IKZF2: variants seen among roughly 807,000 people sequenced by gnomAD.
IKZF2 encodes IKAROS family zinc finger 2.
In IKZF2, 15 loss-of-function variants were observed where a neutral mutation model predicts 49.2. That is an observed-to-expected ratio of 0.30 (90% CI 0.20 to 0.47). The LOEUF is 0.47. Ranked by LOEUF, IKZF2 falls within the 20% of genes least tolerant of loss-of-function variation. The pLI is 1.00. For missense variants in IKZF2, 567 were observed against 664.6 expected (o/e 0.85, Z 1.61); for synonymous variants, 227 against 221.4 (o/e 1.03, Z -0.23).
At chr2:213,120,054 C>G (rs1559298518) in intron 4 of IKZF2, among the ~76,000 whole-genome samples, 1 of 152,330 alleles carries the variant, frequency 6.6e-6, no homozygotes, top group African/African-American at 2.4e-5. Flanking sequence ...CCAGTTCCTA[C>G]TCCCATCCAC....
chr2:213,119,524 A>G (rs974329123), intron 4 of IKZF2, among the ~76,000 whole-genome samples: 4 of 152,222 alleles, frequency 2.6e-5, no homozygotes, highest in African/African-American at 7.2e-5. Context: ...GAAGGAGGAA[A>G]AAAAAGAAAG....
At chr2:213,042,767 T>C (rs996851511) in intron 6 of IKZF2, among the ~76,000 whole-genome samples, 1 of 152,134 alleles carries the variant, frequency 6.6e-6, no homozygotes, top group South Asian at 2.1e-4. Context: ...TAATGTGTTA[T>C]GGGTATGGTT....
intron 8 of IKZF2, among the ~76,000 whole-genome samples, chr2:213,013,383 A>G (rs1696190534): frequency 7.1e-6 from 1 of 140,876 alleles, no homozygotes; most frequent in Non-Finnish European, 1.6e-5. Flanking sequence ...ATAATGGGAC[A>G]CTAGGCATAA....
chr2:213,103,800 G>GAAAA (rs1433726432), intron 4 of IKZF2, among the ~76,000 whole-genome samples: 17 of 36,282 alleles, frequency 4.7e-4, no homozygotes, highest in Middle Eastern at 0.012. Context: ...AACTGTTACA[G>GAAAA]AAATAAAGCT....
intron 4 of IKZF2, among the ~76,000 whole-genome samples, chr2:213,079,827 C>T (rs927119448): frequency 7.9e-5 from 12 of 152,222 alleles, no homozygotes; most frequent in Non-Finnish European, 1.8e-4. Context: ...ACTGTTTTTC[C>T]ACCCTCCAGT....
At chr2:213,086,532 T>A (rs1350927030) in intron 4 of IKZF2, among the ~76,000 whole-genome samples, 7 of 152,052 alleles carry the variant, frequency 4.6e-5, no homozygotes, top group Non-Finnish European at 1.0e-4. Flanking sequence ...GTAGTTCAGG[T>A]GAGTATGATT....
intron 6 of IKZF2, among the ~76,000 whole-genome samples, chr2:213,037,753 G>A (rs1453142343): frequency 6.6e-6 from 1 of 152,162 alleles, no homozygotes; most frequent in Non-Finnish European, 1.5e-5. Context: ...GACACTGCTT[G>A]TGTAATTATC....
intron 4 of IKZF2, among the ~76,000 whole-genome samples, chr2:213,073,446 A>G (rs994034865): frequency 2.6e-5 from 4 of 152,204 alleles, no homozygotes; most frequent in Non-Finnish European, 4.4e-5. Context: ...GAAAATATTA[A>G]ACAAATGATA....
intron 6 of IKZF2, among the ~76,000 whole-genome samples, chr2:213,030,711 T>C (rs1013879674): frequency 5.9e-5 from 9 of 152,108 alleles, no homozygotes; most frequent in Non-Finnish European, 1.3e-4. Flanking sequence ...TTAGCAACTA[T>C]TAATTTCGCA....
chr2:213,048,324 A>G (rs567122817), intron 6 of IKZF2, among the ~76,000 whole-genome samples: 1 of 152,254 alleles, frequency 6.6e-6, no homozygotes, highest in South Asian at 2.1e-4. Flanking sequence ...TATTAAAAAC[A>G]ACATGATTTC....
At chr2:213,130,932 T>C (rs553483282) in intron 4 of IKZF2, among the ~76,000 whole-genome samples, 2 of 152,288 alleles carry the variant, frequency 1.3e-5, no homozygotes, top group African/African-American at 4.8e-5. Context: ...AGAGAATACA[T>C]GGTATTCTTC....
chr2:213,053,943 C>G (rs1700910655), intron 5 of IKZF2, among the ~76,000 whole-genome samples: 1 of 152,064 alleles, frequency 6.6e-6, no homozygotes, highest in Non-Finnish European at 1.5e-5. Flanking sequence ...GGTTGTGCAT[C>G]TTTTTTCACT....
At chr2:213,150,970 T>C (rs190202584) in intron 1 of IKZF2, among the ~76,000 whole-genome samples, 99 of 151,920 alleles carry the variant, frequency 6.5e-4, no homozygotes, top group Middle Eastern at 3.4e-3. Flanking sequence ...CTTCAATTTA[T>C]TCCAGCCTAC....
chr2:213,101,658 C>T (rs1196131127), intron 4 of IKZF2, among the ~76,000 whole-genome samples: 2 of 152,006 alleles, frequency 1.3e-5, no homozygotes, highest in Non-Finnish European at 2.9e-5. Context: ...AAGGAAAGTA[C>T]GACCCTAACG....
chr2:213,027,935 A>T (rs1479906687), intron 6 of IKZF2, among the ~76,000 whole-genome samples: 1 of 152,120 alleles, frequency 6.6e-6, no homozygotes. Context: ...TGTACTATAT[A>T]TAATAAGTAT....
chr2:213,066,977 C>T (rs1183950894), intron 4 of IKZF2, among the ~76,000 whole-genome samples: 1 of 152,048 alleles, frequency 6.6e-6, no homozygotes, highest in East Asian at 1.9e-4. Context: ...ACTGTGAAGA[C>T]TGGAAAAGCA....
chr2:213,089,468 C>T (rs376668724), intron 4 of IKZF2, among the ~76,000 whole-genome samples: 1 of 152,154 alleles, frequency 6.6e-6, no homozygotes, highest in Non-Finnish European at 1.5e-5. Flanking sequence ...TATATGATCA[C>T]CCCATACAGA....
At chr2:213,087,325 A>G (rs1574795126) in intron 4 of IKZF2, among the ~76,000 whole-genome samples, 2 of 152,314 alleles carry the variant, frequency 1.3e-5, no homozygotes, top group East Asian at 1.9e-4. Flanking sequence ...AATCACATTT[A>G]TAATTCAGAA....
At chr2:213,123,318 A>G (rs1574923593) in intron 4 of IKZF2, among the ~76,000 whole-genome samples, 2 of 152,216 alleles carry the variant, frequency 1.3e-5, no homozygotes, top group Admixed American at 1.3e-4. Flanking sequence ...TAAGCCTCAA[A>G]GCATCAGGTT....
Sources: allele counts gnomAD v4.1 joint callset (sites outside exome capture counted in the v4.1 genomes callset), GRCh38; gene constraint gnomAD v4.1.1; transcripts MANE v1.5; gene names NCBI Gene and HGNC (gene_info 2026-07-23, HGNC 2026-07-21).